Variants in SLC12A1 observed in about 807,000 individuals in gnomAD.
The protein encoded by SLC12A1 is solute carrier family 12 member 1.
SLC12A1 carries 89 observed loss-of-function variants against 130.4 expected under a neutral mutation model. That is an observed-to-expected ratio of 0.68 (90% confidence interval 0.58 to 0.81). The LOEUF is 0.81. SLC12A1 is among the 40% of genes least tolerant of loss of function. The probability of loss-of-function intolerance (pLI) is 0.00; values close to 1 mark genes in which losing one functional copy is unlikely to be tolerated. For missense variants in SLC12A1, 1,310 were observed against 1,336.4 expected (o/e 0.98, Z 0.31); for synonymous variants, 499 against 460.0 (o/e 1.08, Z -1.09).
At chr15:48,225,967 G>T (rs541031435) in intron 4 of SLC12A1, 4 of 834,082 alleles carry the variant, frequency 4.8e-6, no homozygotes, top group South Asian at 1.1e-4. Flanking sequence ...CTTGTGACCC[G>T]CACCATCATT....
At position 48,267,626 on chromosome 15, in the gene SLC12A1, A is replaced by G. The variant is rs1224123551; in HGVS notation, c.2220A>G (p.Ile740Met). The part of the protein sequence containing the change: ...SGMAKKQAWL[I>M]KNKIKAFYAA... ...TGGCGAAAAAACAGGCCTGGCTTAT[A>G]AAGAACAAAATCAAGGCTTTTTATG... is the stretch of plus-strand genomic sequence containing the variant. The change falls in exon 18 of 27, where the codon ATA becomes ATG. Residue 740 changes from isoleucine to methionine, a missense_variant. Ile to Met is a conservative substitution (Grantham distance 10). Coordinates refer to ENST00000380993, the MANE Select transcript of SLC12A1 (RefSeq NM_000338.3). 1.7e-5 allele frequency: 28 copies of G among 1,613,708 alleles called. No homozygotes were observed. Among genetic ancestry groups the G allele is most frequent in the Non-Finnish European group, 2.2e-5 (26 of 1,179,662 alleles).
At chr15:48,262,419 T>TTGATTTGAAATTAATTTCAAATAATCA (rs1184695741) in intron 17 of SLC12A1, among the ~76,000 whole-genome samples, 4 of 151,930 alleles carry the variant, frequency 2.6e-5, no homozygotes, top group African/African-American at 7.3e-5. Flanking sequence ...AAATCATTAT[T>TTGATTTGAAATTAATTTCAAATAATCA]TGATTTGAAA....
chr15:48,248,958 C>T (rs1261759310), intron 13 of SLC12A1, among the ~76,000 whole-genome samples: 3 of 152,082 alleles, frequency 2.0e-5, no homozygotes, highest in Admixed American at 1.3e-4. Context: ...GCAGGAGAAT[C>T]GCTTGAACCC....
At chr15:48,281,035 G>A (rs1003320300) in intron 20 of SLC12A1, among the ~76,000 whole-genome samples, 1 of 152,176 alleles carries the variant, frequency 6.6e-6, no homozygotes, top group Admixed American at 6.5e-5. Flanking sequence ...TAATAAACGG[G>A]AGGGGTGGCA....
intron 20 of SLC12A1, among the ~76,000 whole-genome samples, chr15:48,274,998 C>A (rs1597447273): frequency 6.6e-6 from 1 of 152,278 alleles, no homozygotes; most frequent in Non-Finnish European, 1.5e-5. Flanking sequence ...AAGATTAATT[C>A]TTTCCTTGGA....
At chr15:48,230,362 T>A (rs1418088286) in intron 6 of SLC12A1, 31 bp from the exon 7 acceptor site, 1 of 1,392,084 alleles carries the variant, frequency 7.2e-7, no homozygotes, top group South Asian at 1.2e-5. Flanking sequence ...AAAAGCTGTA[T>A]CTCTAAGCAC....
intron 2 of SLC12A1, among the ~76,000 whole-genome samples, chr15:48,209,465 A>G (rs183829720): frequency 2.0e-5 from 3 of 152,232 alleles, no homozygotes; most frequent in Non-Finnish European, 2.9e-5. Flanking sequence ...TTTGGAATAA[A>G]TATCATTCTT....
chr15:48,239,942 C>A (rs2041484029), intron 9 of SLC12A1, among the ~76,000 whole-genome samples: 1 of 150,762 alleles, frequency 6.6e-6, no homozygotes, highest in African/African-American at 2.4e-5. Flanking sequence ...TGAGCCACTG[C>A]ACCTGGCCAA....
chr15:48,220,860 C>T lies in SLC12A1; in HGVS notation c.553-61C>T. 3 of 1,609,316 alleles carry T rather than the reference C, an allele frequency of 1.9e-6. No homozygotes were observed. In the South Asian group the frequency reaches 3.3e-5, roughly 18 times the overall value. ...GGCCTGGGCACAGCTTTATGAAGAG[C>T]CCCGGGTTTTGTCCCACTATCGTTT... On this transcript the variant is annotated intron_variant, in intron 3 of 26. Coordinates refer to ENST00000380993, the MANE Select transcript of SLC12A1 (RefSeq NM_000338.3).
At chr15:48,251,573 A>G (rs1329569869) in intron 14 of SLC12A1, 42 bp from the exon 15 acceptor site, 1 of 1,523,074 alleles carries the variant, frequency 6.6e-7, no homozygotes, top group Non-Finnish European at 9.1e-7. Flanking sequence ...TGCCATGATC[A>G]TAGTAGAGTG....
intron 16 of SLC12A1, among the ~76,000 whole-genome samples, chr15:48,258,486 A>T (rs1003459118): frequency 1.3e-5 from 2 of 151,938 alleles, no homozygotes; most frequent in African/African-American, 2.4e-5. Flanking sequence ...ATTTTGGTCA[A>T]AGCCATTCAA....
intron 25 of SLC12A1, among the ~76,000 whole-genome samples, chr15:48,300,557 T>G (rs561404552): frequency 9.2e-5 from 14 of 151,934 alleles, no homozygotes; most frequent in African/African-American, 3.4e-4. Context: ...CTTGAAAAAA[T>G]TCGAGCAAGA....
At chr15:48,228,616 TA>T in intron 5 of SLC12A1, 2 of 255,048 alleles carry the variant, frequency 7.8e-6, no homozygotes, top group South Asian at 4.1e-5. Context: ...CTTCTTTCAC[TA>T]AAAACATAGA....
intron 7 of SLC12A1, among the ~76,000 whole-genome samples, chr15:48,231,246 A>G (rs535371737): frequency 2.6e-5 from 4 of 152,364 alleles, no homozygotes; most frequent in African/African-American, 9.6e-5. Context: ...TGCCTACCAC[A>G]TGTTGAGCAT....
chr15:48,259,715 A>G (rs2141076360), intron 17 of SLC12A1, among the ~76,000 whole-genome samples: 1 of 152,376 alleles, frequency 6.6e-6, no homozygotes, highest in South Asian at 2.1e-4. Context: ...TAATGGCCTT[A>G]AATGACAGCA....
At position 48,282,940 on chromosome 15, in the gene SLC12A1, G is replaced by A. The variant is rs190349693; in HGVS notation, c.2486-2166G>A. ...CCTGTAACTTGCTGGGTGATATCAG[G>A]CAACTCACTTAACCTATTAGTTTCT... On this transcript the variant is annotated intron_variant, in intron 20 of 26. Coordinates refer to ENST00000380993, the MANE Select transcript of SLC12A1 (RefSeq NM_000338.3). Among the ~76,000 whole-genome samples the A allele has an allele frequency of 8.2e-4, 125 of 152,258 alleles. 2 individuals are homozygous for A. Among genetic ancestry groups the A allele is most frequent in the Non-Finnish European group, 2.5e-4 (17 of 68,018 alleles).
chr15:48,267,604 C>T lies in SLC12A1; in HGVS notation c.2198C>T (p.Ala733Val), dbSNP rs141858745. 2.3e-3 allele frequency: 3,732 copies of T among 1,613,390 alleles called. 113 individuals are homozygous for T. The Admixed American group carries it at 0.05, about 21-fold the overall frequency. Reference protein sequence around the residue: ...LCVKEMNSGMAKKQAWLIKNK... With the variant: ...LCVKEMNSGMVKKQAWLIKNK... ...GTTAAGGAGATGAACAGTGGCATGG[C>T]GAAAAAACAGGCCTGGCTTATAAAG... The change falls in exon 18 of 27, where the codon GCG (alanine) becomes GTG (valine). Residue 733 changes from alanine (A) to valine (V), a missense_variant. Coordinates refer to ENST00000380993, the MANE Select transcript of SLC12A1 (RefSeq NM_000338.3).
At chr15:48,220,101 T>A in intron 2 of SLC12A1, among the ~76,000 whole-genome samples, 1 of 104,260 alleles carries the variant, frequency 9.6e-6, no homozygotes, top group Non-Finnish European at 1.7e-5. Context: ...ACAGCAAGAC[T>A]CTGCCTCAAA....
intron 19 of SLC12A1, among the ~76,000 whole-genome samples, chr15:48,270,288 T>C (rs1333809808): frequency 6.6e-6 from 1 of 152,156 alleles, no homozygotes; most frequent in Non-Finnish European, 1.5e-5. Context: ...CTCTAATAGC[T>C]AAATATTTGA....
Sources: allele counts gnomAD v4.1 joint callset (sites outside exome capture counted in the v4.1 genomes callset), GRCh38; gene constraint gnomAD v4.1.1; transcripts MANE v1.5; gene names NCBI Gene and HGNC (gene_info 2026-07-23, HGNC 2026-07-21).